CIROZ: variants seen among roughly 807,000 people sequenced by gnomAD.
CIROZ encodes ciliated left-right organizer ZP-N domains-containing protein.
the CIROZ span, among the ~76,000 whole-genome samples, chr1:10,980,609 TC>T: frequency 6.6e-6 from 1 of 152,166 alleles, no homozygotes; most frequent in Non-Finnish European, 1.5e-5. Context: ...TGGTGCTGAG[TC>T]CCGGCCTTGC....
chr1:10,954,485 AAAGAT>A, the CIROZ span, among the ~76,000 whole-genome samples: 12 of 147,644 alleles, frequency 8.1e-5, no homozygotes, highest in Non-Finnish European at 1.5e-4. Context: ...AAAGAAAAGA[AAAGAT>A]AAGAAATTAG....
At chr1:10,956,613 C>T in the CIROZ span, among the ~76,000 whole-genome samples, 1 of 152,004 alleles carries the variant, frequency 6.6e-6, no homozygotes, top group East Asian at 1.9e-4. Context: ...GTAGCTAGGA[C>T]TACAGGCCCC....
the CIROZ span, among the ~76,000 whole-genome samples, chr1:10,964,427 C>A: frequency 6.6e-3 from 998 of 152,266 alleles, 15 homozygotes; most frequent in African/African-American, 0.022. Flanking sequence ...AGACCAAGGT[C>A]GACACCAACA....
chr1:10,967,914 C>T, the CIROZ span, among the ~76,000 whole-genome samples: 1 of 152,206 alleles, frequency 6.6e-6, no homozygotes, highest in Non-Finnish European at 1.5e-5. Flanking sequence ...GCGGAGGTTG[C>T]AGTGCGCCAA....
At chr1:10,969,044 G>A in the CIROZ span, among the ~76,000 whole-genome samples, 2 of 152,050 alleles carry the variant, frequency 1.3e-5, no homozygotes, top group African/African-American at 2.4e-5. Flanking sequence ...AAGGCGTCCC[G>A]GGCTGGCTGG....
the CIROZ span, among the ~76,000 whole-genome samples, chr1:10,970,426 G>A: frequency 5.2e-4 from 79 of 152,160 alleles, no homozygotes; most frequent in South Asian, 6.2e-4. Flanking sequence ...CCAGGAGTTC[G>A]AGACCAGCCT....
At chr1:10,963,744 A>G in the CIROZ span, among the ~76,000 whole-genome samples, 1 of 152,186 alleles carries the variant, frequency 6.6e-6, no homozygotes. Context: ...GGTCAAAAAA[A>G]AAAAGCATCC....
the CIROZ span, among the ~76,000 whole-genome samples, chr1:10,970,398 C>T: frequency 1.3e-3 from 195 of 152,132 alleles, no homozygotes; most frequent in African/African-American, 4.0e-3. Flanking sequence ...GAGACCGAGG[C>T]GGGTGGATCA....
At chr1:10,962,383 G>A in the CIROZ span, among the ~76,000 whole-genome samples, 1 of 152,204 alleles carries the variant, frequency 6.6e-6, no homozygotes, top group African/African-American at 2.4e-5. Flanking sequence ...GGAGGCGAAA[G>A]TTGCAGTGAG....
At chr1:10,960,016 C>G in the CIROZ span, among the ~76,000 whole-genome samples, 1 of 152,218 alleles carries the variant, frequency 6.6e-6, no homozygotes, top group African/African-American at 2.4e-5. This position sits in a 1 kb window ranked among gnomAD's most constrained non-coding sequence, Gnocchi z 4.6. Flanking sequence ...CAGCCCATCT[C>G]CCCTGCTGAA....
chr1:10,955,000 A>T, the CIROZ span: 1 of 1,603,522 alleles, frequency 6.2e-7, no homozygotes, highest in Non-Finnish European at 8.5e-7. Flanking sequence ...CTGGACCTGG[A>T]GCACCCCGGC....
At chr1:10,969,258 A>G in the CIROZ span, among the ~76,000 whole-genome samples, 1 of 151,974 alleles carries the variant, frequency 6.6e-6, no homozygotes, top group African/African-American at 2.4e-5. Flanking sequence ...CGAGATGCAG[A>G]GCATGGAGGG....
chr1:10,961,978 T>C, the CIROZ span, among the ~76,000 whole-genome samples: 1 of 152,062 alleles, frequency 6.6e-6, no homozygotes, highest in East Asian at 1.9e-4. Flanking sequence ...GCTTGTTGGA[T>C]AAATGGTGTT....
the CIROZ span, chr1:10,957,156 C>A: frequency 7.0e-7 from 1 of 1,437,336 alleles, no homozygotes. Flanking sequence ...CTGCTCCTTC[C>A]AGATGCAGAC....
the CIROZ span, among the ~76,000 whole-genome samples, chr1:10,969,603 A>G: frequency 6.6e-6 from 1 of 152,162 alleles, no homozygotes; most frequent in African/African-American, 2.4e-5. Context: ...TCATTCAACA[A>G]ATATTTATTG....
the CIROZ span, among the ~76,000 whole-genome samples, chr1:10,978,974 G>C: frequency 7.0e-6 from 1 of 142,576 alleles, no homozygotes; most frequent in African/African-American, 2.9e-5. Context: ...TCTAAGCAGG[G>C]AAGGAAGAGG....
the CIROZ span, chr1:10,954,222 G>C: frequency 6.9e-7 from 1 of 1,446,738 alleles, no homozygotes; most frequent in Non-Finnish European, 9.3e-7. Flanking sequence ...TTGGGAGGCT[G>C]AGGCAGGCGG....
chr1:10,964,075 A>C, the CIROZ span: 1 of 1,597,380 alleles, frequency 6.3e-7, no homozygotes, highest in Non-Finnish European at 8.5e-7. Context: ...TTTAGAGAGA[A>C]GCCCAGCCTG....
At chr1:10,953,000 T>G in the CIROZ span, among the ~76,000 whole-genome samples, 8 of 152,242 alleles carry the variant, frequency 5.3e-5, no homozygotes, top group Non-Finnish European at 1.2e-4. Flanking sequence ...TGCAGGAAAC[T>G]GTTAAAATAA....
Sources: allele counts gnomAD v4.1 joint callset (sites outside exome capture counted in the v4.1 genomes callset), GRCh38; gene constraint gnomAD v4.1.1; non-coding constraint Gnocchi (gnomAD v3.1); transcripts MANE v1.5; gene names NCBI Gene and HGNC (gene_info 2026-07-23, HGNC 2026-07-21).